Variants in DRC1 observed in about 807,000 individuals in gnomAD.
DRC1 encodes the protein dynein regulatory complex protein 1.
A neutral mutation model predicts 98.7 loss-of-function variants in DRC1; 74 were observed. That is an observed-to-expected ratio of 0.75 (90% CI 0.62 to 0.91). DRC1 has a LOEUF of 0.91. Ranked by LOEUF, DRC1 falls within the 40% of genes least tolerant of loss-of-function variation. DRC1 has a pLI of 0.00. For synonymous variants in DRC1, 336 were observed against 334.1 expected (o/e 1.01, Z -0.06); for missense variants, 875 against 886.0 (o/e 0.99, Z 0.16).
chr2:26,407,988 C>G (rs1319005955), intron 1 of DRC1, among the ~76,000 whole-genome samples: 1 of 152,230 alleles, frequency 6.6e-6, no homozygotes, highest in East Asian at 1.9e-4. Flanking sequence ...CCTACCTCCT[C>G]ACCTAGCAGA....
intron 1 of DRC1, among the ~76,000 whole-genome samples, chr2:26,405,783 C>G (rs1678404006): frequency 6.6e-6 from 1 of 151,666 alleles, no homozygotes; most frequent in South Asian, 2.1e-4. Context: ...GGCTCAGCCT[C>G]CCGAGTAACT....
At chr2:26,455,684 C>T (rs916196005) in intron 16 of DRC1, among the ~76,000 whole-genome samples, 4 of 152,240 alleles carry the variant, frequency 2.6e-5, no homozygotes, top group African/African-American at 9.6e-5. Context: ...GGGCTCTTTC[C>T]ACCCACCAGC....
chr2:26,448,972 C>T (rs562943741), intron 11 of DRC1, among the ~76,000 whole-genome samples, 169 bp downstream of exon 11: 2 of 152,366 alleles, frequency 1.3e-5, no homozygotes, highest in South Asian at 4.1e-4. Context: ...GACTTCAGGG[C>T]CGGTTCATAG....
intron 6 of DRC1, 82 bp downstream of exon 6, chr2:26,430,954 CTATCTT>C: frequency 2.4e-6 from 1 of 424,510 alleles, no homozygotes; most frequent in Non-Finnish European, 3.8e-6. Flanking sequence ...TAGCCTTTTT[CTATCTT>C]TTTTTTTTTT....
At chr2:26,424,002 G>A (rs757493244) in intron 3 of DRC1, among the ~76,000 whole-genome samples, 45 of 152,148 alleles carry the variant, frequency 3.0e-4, no homozygotes, top group Admixed American at 2.5e-3. Flanking sequence ...GTGTGTGTGC[G>A]TGTGCACGCG....
intron 7 of DRC1, among the ~76,000 whole-genome samples, chr2:26,436,335 G>A (rs958675173): frequency 1.3e-5 from 2 of 152,044 alleles, no homozygotes; most frequent in African/African-American, 4.8e-5. Flanking sequence ...TGGAGACAGG[G>A]TCTTCCTCTG....
intron 1 of DRC1, 62 bp from the exon 2 acceptor site, chr2:26,414,282 C>G (rs1678720300): frequency 5.7e-6 from 9 of 1,579,070 alleles, no homozygotes; most frequent in Non-Finnish European, 1.7e-6. Context: ...AGGCCAAAAC[C>G]TTTAAATATA....
Position 26,455,132 on chromosome 2 carries a change from C to T in DRC1, c.2065C>T (p.Leu689Phe). ...TCTAACCGATTTTTCTGTCCAAAGC[C>T]TTGTCCTGACCCAGAGGGCCAAGCT... ...ALYTALEKYH[L>F]VLTQRAKLLL... The change falls in exon 16 of 17, where the codon CTT (leucine) becomes TTT (phenylalanine). Residue 689 changes from leucine (L) to phenylalanine (F), a missense_variant and splice_region_variant. Physicochemically the swap from Leu to Phe is conservative, Grantham distance 22. Coordinates refer to ENST00000288710, the MANE Select transcript of DRC1 (RefSeq NM_145038.5). 1 of 1,614,110 alleles carries T rather than the reference C, an allele frequency of 6.2e-7. No homozygotes were observed. The highest frequency in any genetic ancestry group is 1.1e-5 in the South Asian group (1 of 91,080).
At chr2:26,446,769 A>G (rs1406099676) in intron 10 of DRC1, among the ~76,000 whole-genome samples, 2 of 152,190 alleles carry the variant, frequency 1.3e-5, no homozygotes, top group East Asian at 1.9e-4. Context: ...GTGTCCCTCC[A>G]GGGATGTACA....
chr2:26,418,714 TAATATATAA>T (rs1464936894), intron 2 of DRC1, among the ~76,000 whole-genome samples: 2 of 113,166 alleles, frequency 1.8e-5, no homozygotes, highest in African/African-American at 7.2e-5. Flanking sequence ...TTAATTTATA[TAATATATAA>T]ATTATATTTA....
At chr2:26,429,786 CT>C in intron 5 of DRC1, 21 bp downstream of exon 5, 1 of 1,612,398 alleles carries the variant, frequency 6.2e-7, no homozygotes, top group Non-Finnish European at 8.5e-7. Flanking sequence ...GTGAAAAGAC[CT>C]GGTTTCTGCT....
intron 1 of DRC1, among the ~76,000 whole-genome samples, chr2:26,406,228 T>C (rs1272803141): frequency 1.3e-5 from 2 of 152,216 alleles, no homozygotes; most frequent in African/African-American, 4.8e-5. Flanking sequence ...AAGGAATATT[T>C]TACTACTGAC....
At position 26,421,362 on chromosome 2, in the gene DRC1, T is replaced by A; in HGVS notation, c.318T>A (p.Ile106=). 1 of 1,613,586 alleles carries A rather than the reference T, an allele frequency of 6.2e-7. No homozygotes were observed. Among genetic ancestry groups the A allele is most frequent in the Non-Finnish European group, 8.5e-7 (1 of 1,179,714 alleles). Residue 106 remains isoleucine, a synonymous_variant, in exon 3 of 17, where the codon ATT becomes ATA. Coordinates refer to ENST00000288710, the MANE Select transcript of DRC1 (RefSeq NM_145038.5). The part of the protein sequence containing the change: ...NIQVAIDIRE[I]HRRVEEEEIK... Reference sequence around the variant, plus strand: ...AGGTGGCTATAGATATCAGAGAGATTCACAGGAGAGTCGAAGAAGAGGAGA... The same window carrying A: ...AGGTGGCTATAGATATCAGAGAGATACACAGGAGAGTCGAAGAAGAGGAGA...
In DRC1 at chr2:26,456,565, T is replaced by G; in HGVS notation, c.*48T>G. 6.2e-7 allele frequency: 1 copy of G among 1,609,734 alleles called. No individual in the cohort carries two copies. The highest frequency in any genetic ancestry group is 8.5e-7 in the Non-Finnish European group (1 of 1,176,368). On this transcript the variant is annotated 3_prime_UTR_variant, in exon 17 of 17. Coordinates refer to ENST00000288710, the MANE Select transcript of DRC1 (RefSeq NM_145038.5). ...TGTTAGGGCTGGCCTGATGCTGGTG[T>G]CTGTGCCGGAGCCAGCTCATATCAC... is the stretch of plus-strand genomic sequence containing the variant.
chr2:26,425,637 T>C (rs1156526949), intron 4 of DRC1, among the ~76,000 whole-genome samples: 1 of 152,206 alleles, frequency 6.6e-6, no homozygotes, highest in Non-Finnish European at 1.5e-5. Context: ...CGATATCTCA[T>C]TATGGTTTGG....
rs764426254 is a variant in DRC1 at position 26,440,391 on chromosome 2, A to C, written c.902A>C (p.Gln301Pro). 1.9e-6 allele frequency: 3 copies of C among 1,610,628 alleles called. No homozygotes were observed. In the African/African-American group the frequency reaches 4.0e-5, roughly 22 times the overall value. Reference protein sequence around the residue: ...LEQDVQILEQQLQQRKAIYQL... With the variant: ...LEQDVQILEQPLQQRKAIYQL... Reference sequence around the variant, plus strand: ...TTTTAACTTTAGATTCTTGAGCAGCAGCTTCAGCAGAGGAAAGCAATTTAT... The same window carrying C: ...TTTTAACTTTAGATTCTTGAGCAGCCGCTTCAGCAGAGGAAAGCAATTTAT... Residue 301 changes from glutamine to proline, a missense_variant, in exon 8 of 17, where the codon CAG becomes CCG. Coordinates refer to ENST00000288710, the MANE Select transcript of DRC1 (RefSeq NM_145038.5).
At chr2:26,409,684 T>C (rs1486762573) in intron 1 of DRC1, among the ~76,000 whole-genome samples, 2 of 152,200 alleles carry the variant, frequency 1.3e-5, no homozygotes, top group Non-Finnish European at 2.9e-5. Flanking sequence ...AACTCAAAGT[T>C]CTAAAATTAC....
At position 26,453,477 on chromosome 2, in the gene DRC1, C is replaced by T; in HGVS notation, c.1847C>T (p.Ser616Phe). 6.2e-7 allele frequency: 1 copy of T among 1,614,128 alleles called. No individual in the cohort carries two copies. The highest frequency in any genetic ancestry group is 8.5e-7 in the Non-Finnish European group (1 of 1,180,032). The change falls in exon 14 of 17, where the codon TCC becomes TTC. Residue 616 changes from serine (S) to phenylalanine (F), a missense_variant. By Grantham distance (155) the Ser-to-Phe change is radical. Coordinates refer to ENST00000288710, the MANE Select transcript of DRC1 (RefSeq NM_145038.5). ...EKEEEEETPP[S>F]PWVIHPNDVL... ...GAGGAAGAGGAGGAGACCCCACCCT[C>T]CCCCTGGGTCATCCACCCCAATGAT...
chr2:26,424,060 A>C (rs915640428), intron 3 of DRC1, among the ~76,000 whole-genome samples: 8 of 152,114 alleles, frequency 5.3e-5, no homozygotes, highest in Non-Finnish European at 1.0e-4. Flanking sequence ...TGTTTTTGCT[A>C]TGTGTCATTT....
Sources: allele counts gnomAD v4.1 joint callset (sites outside exome capture counted in the v4.1 genomes callset), GRCh38; gene constraint gnomAD v4.1.1; transcripts MANE v1.5; gene names NCBI Gene and HGNC (gene_info 2026-07-23, HGNC 2026-07-21).